XKR9: variants seen among roughly 807,000 people sequenced by gnomAD.
The protein encoded by XKR9 is XK related 9.
XKR9 carries 32 observed loss-of-function variants against 32.0 expected under a neutral mutation model. The ratio of observed to expected loss-of-function variants is 1.00; its 90% CI spans 0.76 to 1.34. XKR9 has a LOEUF of 1.34. Ranked by LOEUF, XKR9 falls within the 40% of genes most tolerant of loss-of-function variation. XKR9 has a pLI of 0.00. For synonymous variants in XKR9, 168 were observed against 143.4 expected (o/e 1.17, Z -1.22); for missense variants, 546 against 429.7 (o/e 1.27, Z -2.39).
chr8:70,683,257 A>G (rs1240741734), intron 3 of XKR9, among the ~76,000 whole-genome samples: 2 of 152,172 alleles, frequency 1.3e-5, no homozygotes, highest in Non-Finnish European at 2.9e-5. Context: ...TGCTGTTAAC[A>G]TTGATAATTT....
At chr8:70,941,845 T>C in the XKR9 span, among the ~76,000 whole-genome samples, 2 of 152,172 alleles carry the variant, frequency 1.3e-5, no homozygotes, top group Admixed American at 1.3e-4. Context: ...TGTTGAGCTA[T>C]CTTTTATTTG....
intron 3 of XKR9, among the ~76,000 whole-genome samples, chr8:70,692,514 C>A (rs1287752274): frequency 6.6e-6 from 1 of 152,034 alleles, no homozygotes; most frequent in Non-Finnish European, 1.5e-5. Context: ...AAGGGGAATG[C>A]TTCCAGCTTT....
At chr8:70,908,195 C>G in the XKR9 span, among the ~76,000 whole-genome samples, 21 of 106,300 alleles carry the variant, frequency 2.0e-4, no homozygotes, top group African/African-American at 7.1e-4. Context: ...TGCATTCATA[C>G]TATAGTAAAC....
In XKR9 at chr8:70,755,709, T is replaced by C. The variant is rs1033496945; in HGVS notation, n.353-33630T>C. Among the ~76,000 whole-genome samples, 3 of 124,110 alleles carry C rather than the reference T, an allele frequency of 2.4e-5. No homozygotes were observed. The Admixed American group carries it at 3.2e-4, about 13-fold the overall frequency. 81.4% of individuals were successfully genotyped at this position (124,110 alleles called of 152,430 possible). A position where few individuals can be genotyped will look rare whatever the true frequency, so the allele number is the denominator to read the frequency against. ...TCACTCATAGATGGGAATTGAATAA[T>C]GAGAACCCATGGACACGGGAAGGGG... On this transcript the variant is annotated intron_variant and non_coding_transcript_variant, in intron 2 of 3. Transcript: ENST00000520273.
the XKR9 span, among the ~76,000 whole-genome samples, chr8:70,869,101 G>A: frequency 6.6e-6 from 1 of 152,100 alleles, no homozygotes; most frequent in African/African-American, 2.4e-5. Flanking sequence ...AGTCTCTTGG[G>A]AGTTCTGAAC....
chr8:71,032,296 A>AC, the XKR9 span, among the ~76,000 whole-genome samples: 1 of 149,052 alleles, frequency 6.7e-6, no homozygotes, highest in African/African-American at 2.6e-5. Flanking sequence ...AAAAAAAAAA[A>AC]AAAAAAAAAA....
the XKR9 span, among the ~76,000 whole-genome samples, chr8:70,834,019 G>A: frequency 6.6e-6 from 1 of 151,984 alleles, no homozygotes; most frequent in Non-Finnish European, 1.5e-5. Context: ...ACTTACTACT[G>A]GATTTAAAAT....
At chr8:70,981,987 A>G in the XKR9 span, among the ~76,000 whole-genome samples, 2 of 152,170 alleles carry the variant, frequency 1.3e-5, no homozygotes, top group African/African-American at 2.4e-5. Flanking sequence ...GTCCTGTGAT[A>G]TGATCTATGT....
At chr8:70,701,446 C>T (rs1294745690) in intron 3 of XKR9, among the ~76,000 whole-genome samples, 4 of 152,152 alleles carry the variant, frequency 2.6e-5, no homozygotes, top group Non-Finnish European at 4.4e-5. Context: ...TATTTACTTG[C>T]CCCTTCTGTT....
the XKR9 span, among the ~76,000 whole-genome samples, chr8:70,874,353 T>C: frequency 6.6e-6 from 1 of 152,178 alleles, no homozygotes; most frequent in Non-Finnish European, 1.5e-5. Flanking sequence ...GATGAAGAAA[T>C]TTATTCTGTA....
At chr8:70,892,150 A>C in the XKR9 span, among the ~76,000 whole-genome samples, 1 of 151,972 alleles carries the variant, frequency 6.6e-6, no homozygotes, top group Non-Finnish European at 1.5e-5. Flanking sequence ...GTGTCTTTTT[A>C]GGTGACATGA....
At chr8:70,753,068 A>T (rs1445312710) in intron 2 of XKR9, among the ~76,000 whole-genome samples, 24 of 152,258 alleles carry the variant, frequency 1.6e-4, no homozygotes, top group African/African-American at 5.8e-4. Flanking sequence ...CGCAATAAAA[A>T]ATGATAAAGG....
chr8:70,763,710 G>C (rs1353385382), intron 2 of XKR9, among the ~76,000 whole-genome samples: 1 of 152,060 alleles, frequency 6.6e-6, no homozygotes, highest in East Asian at 1.9e-4. Context: ...GCAGTGAATT[G>C]TGTCCCTCCC....
chr8:70,859,911 C>T, the XKR9 span, among the ~76,000 whole-genome samples: 1 of 151,966 alleles, frequency 6.6e-6, no homozygotes, highest in Non-Finnish European at 1.5e-5. Context: ...GAATAAATTC[C>T]AATGTTCAAT....
At chr8:70,858,373 C>T in the XKR9 span, among the ~76,000 whole-genome samples, 1 of 152,008 alleles carries the variant, frequency 6.6e-6, no homozygotes. Flanking sequence ...ACAATTGCTT[C>T]AAAGAGAATA....
chr8:70,705,531 G>C (rs1181021637), intron 3 of XKR9, among the ~76,000 whole-genome samples: 1 of 152,078 alleles, frequency 6.6e-6, no homozygotes, highest in East Asian at 1.9e-4. Flanking sequence ...GTTCCAGACA[G>C]AGGAATTAGC....
chr8:71,043,860 C>T, the XKR9 span, among the ~76,000 whole-genome samples: 15 of 151,172 alleles, frequency 9.9e-5, no homozygotes, highest in East Asian at 7.8e-4. Flanking sequence ...ATATAAAAAA[C>T]GTAAAATTTA....
At chr8:71,039,569 A>T in the XKR9 span, among the ~76,000 whole-genome samples, 1 of 152,246 alleles carries the variant, frequency 6.6e-6, no homozygotes, top group East Asian at 1.9e-4. Flanking sequence ...TACAAGGGTG[A>T]TTAGACACAG....
At chr8:71,008,811 C>T in the XKR9 span, among the ~76,000 whole-genome samples, 2 of 151,834 alleles carry the variant, frequency 1.3e-5, no homozygotes, top group African/African-American at 2.4e-5. Context: ...TGAGACTACA[C>T]CTGAGTGCCA....
Sources: allele counts gnomAD v4.1 joint callset (sites outside exome capture counted in the v4.1 genomes callset), GRCh38; gene constraint gnomAD v4.1.1; transcripts MANE v1.5; gene names NCBI Gene and HGNC (gene_info 2026-07-23, HGNC 2026-07-21).